Variants in C4orf36 observed in about 807,000 individuals in gnomAD.
C4orf36 encodes the protein uncharacterized protein C4orf36.
Under a neutral mutation model 12.2 loss-of-function variants are expected in C4orf36, and 11 were observed. That is an observed-to-expected ratio of 0.90 (90% CI 0.57 to 1.49). C4orf36 has a LOEUF of 1.49. Ranked by LOEUF, C4orf36 falls within the 40% of genes most tolerant of loss-of-function variation. The pLI is 0.00. For missense variants in C4orf36, 137 were observed against 133.9 expected (o/e 1.02, Z -0.11); for synonymous variants, 54 against 51.3 (o/e 1.05, Z -0.22).
At chr4:86,909,893 TAA>T in the C4orf36 span, among the ~76,000 whole-genome samples, 427 of 73,258 alleles carry the variant, frequency 5.8e-3, 6 homozygotes, top group African/African-American at 0.019. Context: ...GAGGAAGACT[TAA>T]AAAAAAAAAA....
At chr4:86,899,966 CTT>C in the C4orf36 span, among the ~76,000 whole-genome samples, 1 of 151,910 alleles carries the variant, frequency 6.6e-6, no homozygotes, top group African/African-American at 2.4e-5. Context: ...CAATTAATGA[CTT>C]TGTAGTAAGT....
At chr4:86,901,619 G>A in the C4orf36 span, among the ~76,000 whole-genome samples, 1 of 151,542 alleles carries the variant, frequency 6.6e-6, no homozygotes, top group Admixed American at 6.6e-5. Context: ...CACCATGTTA[G>A]CCAGGATGGT....
chr4:86,927,339 GTGTTTTTGTTTT>G, the C4orf36 span, among the ~76,000 whole-genome samples: 52 of 152,236 alleles, frequency 3.4e-4, no homozygotes, highest in African/African-American at 1.1e-3. Flanking sequence ...ATCCAGTCAT[GTGTTTTTGTTTT>G]TGTTTTTGTT....
the C4orf36 span, chr4:86,914,128 CAG>C: frequency 6.2e-7 from 1 of 1,602,018 alleles, no homozygotes; most frequent in African/African-American, 1.3e-5. Flanking sequence ...AAGTAACAAA[CAG>C]AAATGAATCG....
chr4:86,922,883 C>T, the C4orf36 span, among the ~76,000 whole-genome samples: 1 of 152,048 alleles, frequency 6.6e-6, no homozygotes, highest in Non-Finnish European at 1.5e-5. Flanking sequence ...TCTGTTACTC[C>T]CTTGGATGTT....
chr4:86,878,484 A>G (rs1028722896), intron 4 of C4orf36, among the ~76,000 whole-genome samples: 2 of 152,190 alleles, frequency 1.3e-5, no homozygotes, highest in Admixed American at 1.3e-4. Context: ...AACAATATAC[A>G]AACCAAACTG....
At chr4:86,879,866 T>G (rs1747007184) in intron 4 of C4orf36, among the ~76,000 whole-genome samples, 1 of 151,400 alleles carries the variant, frequency 6.6e-6, no homozygotes, top group East Asian at 1.9e-4. Context: ...TTTTTTTTTT[T>G]TTGAGATAGG....
chr4:86,930,269 A>T, the C4orf36 span, among the ~76,000 whole-genome samples: 1 of 152,216 alleles, frequency 6.6e-6, no homozygotes, highest in Non-Finnish European at 1.5e-5. Context: ...TGAAAACCCC[A>T]TTGCCAGCTC....
the C4orf36 span, among the ~76,000 whole-genome samples, chr4:86,932,952 G>C: frequency 2.0e-5 from 3 of 152,108 alleles, no homozygotes; most frequent in Non-Finnish European, 2.9e-5. Context: ...ATGGAGGAAA[G>C]TGTAGCTAAC....
At chr4:86,919,395 T>C in the C4orf36 span, among the ~76,000 whole-genome samples, 1 of 136,840 alleles carries the variant, frequency 7.3e-6, no homozygotes, top group South Asian at 2.6e-4. Context: ...TGATTTTGAC[T>C]AACTGCAACC....
At chr4:86,931,583 G>C in the C4orf36 span, among the ~76,000 whole-genome samples, 1 of 152,010 alleles carries the variant, frequency 6.6e-6, no homozygotes, top group Non-Finnish European at 1.5e-5. Flanking sequence ...GCTTTCTGTA[G>C]ATACAGGAAC....
intron 2 of C4orf36, among the ~76,000 whole-genome samples, chr4:86,890,375 G>T (rs944380956): frequency 1.3e-5 from 2 of 151,920 alleles, no homozygotes; most frequent in Non-Finnish European, 2.9e-5. Context: ...AGGAAGGGGT[G>T]GGCAGAGCAA....
intron 4 of C4orf36, among the ~76,000 whole-genome samples, chr4:86,878,099 T>TTATTATCAG (rs1205083972): frequency 3.3e-5 from 5 of 152,178 alleles, no homozygotes; most frequent in Non-Finnish European, 5.9e-5. Flanking sequence ...TTTTTCATCT[T>TTATTATCAG]TATTATCAGA....
At chr4:86,903,741 C>T in the C4orf36 span, among the ~76,000 whole-genome samples, 6 of 152,282 alleles carry the variant, frequency 3.9e-5, no homozygotes, top group South Asian at 1.2e-3. Flanking sequence ...GCTGATTGGT[C>T]CATTTTACAG....
chr4:86,876,304 G>C lies in C4orf36; in HGVS notation c.*142C>G, dbSNP rs908498724. ...TTCTCGGTCTCTGGGCGGGCCGTGGGAGGCTTCCTGAGGTGGGGGCCGGGC... is the reference window on the plus strand; with the variant it reads ...TTCTCGGTCTCTGGGCGGGCCGTGGCAGGCTTCCTGAGGTGGGGGCCGGGC... On this transcript the variant is annotated 3_prime_UTR_variant, in exon 5 of 5. Transcript: ENST00000295898. 2.4e-5 allele frequency: 32 copies of C among 1,350,806 alleles called. No individual in the cohort carries two copies. In the African/African-American group the frequency reaches 4.1e-4, roughly 17 times the overall value. 83.7% of individuals were successfully genotyped at this position (1,350,806 alleles called of 1,614,324 possible).
the C4orf36 span, among the ~76,000 whole-genome samples, chr4:86,901,233 C>T: frequency 6.6e-6 from 1 of 151,844 alleles, no homozygotes; most frequent in Non-Finnish European, 1.5e-5. Flanking sequence ...CCACCTGCCT[C>T]GGCCTCCCAA....
chr4:86,919,137 A>AGAGAGG, the C4orf36 span, among the ~76,000 whole-genome samples: 2 of 151,436 alleles, frequency 1.3e-5, no homozygotes, highest in African/African-American at 4.9e-5. Flanking sequence ...AGAGAGAGAG[A>AGAGAGG]GAGAGAGAGA....
chr4:86,896,917 G>A (rs1304097470), upstream of C4orf36, among the ~76,000 whole-genome samples: 1 of 152,134 alleles, frequency 6.6e-6, no homozygotes, highest in Non-Finnish European at 1.5e-5. Context: ...AGGCTTAGAG[G>A]ACTGGAGTCA....
At chr4:86,931,914 A>G in the C4orf36 span, among the ~76,000 whole-genome samples, 1 of 152,008 alleles carries the variant, frequency 6.6e-6, no homozygotes, top group Non-Finnish European at 1.5e-5. Context: ...AGGCGCCTGT[A>G]GTCCCAGCTA....
Sources: gnomAD v4.1 joint callset for allele counts (sites outside exome capture counted in the v4.1 genomes callset) on GRCh38, gnomAD v4.1.1 for gene constraint, MANE v1.5 for transcripts, NCBI Gene and HGNC (gene_info 2026-07-23, HGNC 2026-07-21) for gene names.